Variants in SCRN2 observed in about 807,000 individuals in gnomAD.
The protein encoded by SCRN2 is secernin-2.
Under a neutral mutation model 40.1 loss-of-function variants are expected in SCRN2, and 30 were observed. That is an observed-to-expected ratio of 0.75 (90% CI 0.56 to 1.01). The LOEUF is 1.01. Ranked by LOEUF, SCRN2 falls within the 50% of genes least tolerant of loss-of-function variation. SCRN2 has a pLI of 0.00. For missense variants in SCRN2, 526 were observed against 564.9 expected (o/e 0.93, Z 0.70); for synonymous variants, 240 against 233.5 (o/e 1.03, Z -0.25).
intron 2 of SCRN2, 115 bp downstream of exon 2, chr17:47,840,555 C>T: frequency 7.6e-7 from 1 of 1,316,424 alleles, no homozygotes; most frequent in Non-Finnish European, 1.0e-6. Flanking sequence ...AGACCTAAAG[C>T]TCATGCTCTT....
Position 47,838,263 on chromosome 17 carries a change from G to A in SCRN2, c.1119+7C>T. 1 of 1,585,886 alleles carries A rather than the reference G, an allele frequency of 6.3e-7. No homozygotes were observed. Among genetic ancestry groups the A allele is most frequent in the African/African-American group, 1.4e-5 (1 of 73,208 alleles). On this transcript the variant is annotated splice_region_variant and intron_variant, in intron 7 of 7. Transcript: ENST00000290216. ...CCTCAAGGTAGCCCCTACTCCCTGGGGGATACCTGATCTCTCTCCATCAGC... is the reference window on the plus strand; with the variant it reads ...CCTCAAGGTAGCCCCTACTCCCTGGAGGATACCTGATCTCTCTCCATCAGC...
intron 2 of SCRN2, 82 bp downstream of exon 2, chr17:47,840,588 A>G: frequency 1.4e-6 from 2 of 1,426,516 alleles, no homozygotes; most frequent in Non-Finnish European, 1.9e-6. Context: ...GCAGCCTCCC[A>G]GGTGTGGGGA....
At position 47,838,441 on chromosome 17, in the gene SCRN2, G is replaced by A; in HGVS notation, c.948C>T (p.Phe316=). 1 of 1,613,124 alleles carries A rather than the reference G, an allele frequency of 6.2e-7. No individual in the cohort carries two copies. Among genetic ancestry groups the A allele is most frequent in the Non-Finnish European group, 8.5e-7 (1 of 1,179,774 alleles). Residue 316 remains phenylalanine, a synonymous_variant, in exon 7 of 8, where the codon TTC becomes TTT. Transcript: ENST00000290216. ...CCCCCATCCCGAAGATGAAAGGTTT[G>A]AACACAGACCTAGAGGGGCACAGAT... ...TATPDPSRSV[F]KPFIFGMGVA...
In SCRN2 at chr17:47,840,770, G is replaced by A. The variant is rs1270314900; in HGVS notation, c.74C>T (p.Pro25Leu). The A allele has an allele frequency of 2.5e-6, 4 of 1,588,084 alleles. No individual in the cohort carries two copies. The highest frequency in any genetic ancestry group is 1.4e-5 in the African/African-American group (1 of 73,968). The change falls in exon 2 of 8, where the codon CCG (proline) becomes CTG (leucine). Residue 25 changes from proline to leucine, a missense_variant. Pro to Leu is a moderately conservative substitution (Grantham distance 98). Coordinates refer to ENST00000290216, the MANE Select transcript of SCRN2 (RefSeq NM_138355.4). ...FVSVPPASAI[P>L]AVIFAKNSDR... Reference sequence around the variant, plus strand: ...CGAGTTCTTGGCAAAGATCACAGCCGGGATGGCTGAGGCCGGGGGCACGGA... The same window carrying A: ...CGAGTTCTTGGCAAAGATCACAGCCAGGATGGCTGAGGCCGGGGGCACGGA...
intron 3 of SCRN2, 195 bp downstream of exon 3, chr17:47,839,996 G>T (rs1331993125): frequency 3.3e-6 from 2 of 598,336 alleles, no homozygotes; most frequent in East Asian, 5.6e-5. Context: ...AATAACCACT[G>T]CTCTATTTCT....
intron 4 of SCRN2, 46 bp downstream of exon 4, chr17:47,839,398 A>C: frequency 6.3e-7 from 1 of 1,597,378 alleles, no homozygotes; most frequent in Non-Finnish European, 8.6e-7. Context: ...CCCTGCCCCT[A>C]CCATCTCTCC....
rs1231607433 is a variant in SCRN2 at position 47,840,673 on chromosome 17, G to C, written c.171C>G (p.Leu57=). The part of the protein sequence containing the change: ...PAGTHTPGSR[L]QCTYIEVEQV... ...CACCCCATAAAGTCTAACCCACCTG[G>C]AGCCGGCTCCCAGGAGTGTGAGTGC... The change falls in exon 2 of 8, where the codon CTC becomes CTG. Residue 57 remains leucine, a synonymous_variant. Coordinates refer to ENST00000290216, the MANE Select transcript of SCRN2 (RefSeq NM_138355.4). 1 of 1,601,496 alleles carries C rather than the reference G, an allele frequency of 6.2e-7. No individual in the cohort carries two copies. The highest frequency in any genetic ancestry group is 8.5e-7 in the Non-Finnish European group (1 of 1,174,072).
chr17:47,838,857 G>C lies in SCRN2; in HGVS notation c.706C>G (p.Pro236Ala), dbSNP rs370974672. The C allele has an allele frequency of 1.1e-5, 18 of 1,613,522 alleles. No homozygotes were observed. In the African/African-American group the frequency reaches 2.0e-4, roughly 18 times the overall value. ...FAQIFSLTQQ[P>A]VRMEAAKARF... ...GCCTTGGCAGCCTCCATGCGCACAGGCTGCTGGGTCAGGGAGAAGATCTGA... is the reference window on the plus strand; with the variant it reads ...GCCTTGGCAGCCTCCATGCGCACAGCCTGCTGGGTCAGGGAGAAGATCTGA... Residue 236 changes from proline to alanine, a missense_variant, in exon 5 of 8, where the codon CCT becomes GCT. Physicochemically the swap from Pro to Ala is conservative, Grantham distance 27 (BLOSUM62 -1). Transcript: ENST00000290216.
chr17:47,840,395 G>A (rs776318585), intron 2 of SCRN2, 23 bp from the exon 3 acceptor site: 9 of 1,612,468 alleles, frequency 5.6e-6, no homozygotes, highest in Non-Finnish European at 1.7e-6. Flanking sequence ...GAGGAGAAAG[G>A]AAGCGTCCAC....
chr17:47,839,083 A>G (rs562860278), intron 4 of SCRN2, 77 bp from the exon 5 acceptor site: 1 of 1,499,266 alleles, frequency 6.7e-7, no homozygotes, highest in Admixed American at 1.8e-5. Context: ...AGGTGCTGAG[A>G]ACATGGTGGA....
intron 3 of SCRN2, 135 bp from the exon 4 acceptor site, chr17:47,839,778 G>T: frequency 2.3e-6 from 2 of 851,526 alleles, no homozygotes; most frequent in Non-Finnish European, 3.8e-6. Flanking sequence ...TGCTGGCACT[G>T]ATCGTATCAA....
chr17:47,839,386 C>T, intron 4 of SCRN2, 58 bp downstream of exon 4: 6 of 1,576,884 alleles, frequency 3.8e-6, no homozygotes, highest in Non-Finnish European at 4.3e-6. Context: ...GATCGGGCCC[C>T]TCCCTGCCCC....
chr17:47,839,400 C>T (rs1286176332), intron 4 of SCRN2, 44 bp downstream of exon 4: 3 of 1,599,602 alleles, frequency 1.9e-6, no homozygotes, highest in Non-Finnish European at 2.6e-6. Flanking sequence ...CTGCCCCTAC[C>T]ATCTCTCCCA....
At position 47,838,466 on chromosome 17, in the gene SCRN2, T is replaced by C; in HGVS notation, c.939-16A>G. The C allele has an allele frequency of 1.9e-6, 3 of 1,613,612 alleles. No homozygotes were observed. In the South Asian group the frequency reaches 3.3e-5, roughly 18 times the overall value. ...GAACACAGACCTAGAGGGGCACAGA[T>C]GGAAGCACGGAGATATATCAGATCC... is the stretch of plus-strand genomic sequence containing the variant. On this transcript the variant is annotated splice_polypyrimidine_tract_variant and intron_variant, in intron 6 of 7. Coordinates refer to ENST00000290216, the MANE Select transcript of SCRN2 (RefSeq NM_138355.4).
At position 47,838,923 on chromosome 17, in the gene SCRN2, C is replaced by G; in HGVS notation, c.640G>C (p.Ala214Pro). ...CCCTGCCCATCCCACCAGCCCTTGG[C>G]CTGGGCATGAGTCCGCAGCTCCGGG... ...QHPELRTHAQ[A>P]KGWWDGQGAF... The change falls in exon 5 of 8, where the codon GCC becomes CCC. Residue 214 changes from alanine to proline, a missense_variant. Physicochemically the swap from Ala to Pro is conservative, Grantham distance 27. Coordinates refer to ENST00000290216, the MANE Select transcript of SCRN2 (RefSeq NM_138355.4). The G allele has an allele frequency of 6.2e-7, 1 of 1,614,018 alleles. No homozygotes were observed. Among genetic ancestry groups the G allele is most frequent in the Non-Finnish European group, 8.5e-7 (1 of 1,180,034 alleles).
In SCRN2 at chr17:47,838,954, G is replaced by A. The variant is rs1036676038; in HGVS notation, c.609C>T (p.Ala203=). Residue 203 remains alanine, a synonymous_variant, in exon 5 of 8, where the codon GCC becomes GCT. Transcript: ENST00000290216. ...CATGAGTCCGCAGCTCCGGGTGTTG[G>A]GCCGAGATGTCCGTGCCAATGCTCA... ...NQLSIGTDIS[A]QHPELRTHAQ... is the part of the protein sequence containing the mutation. The A allele has an allele frequency of 3.1e-6, 5 of 1,613,932 alleles. No individual in the cohort carries two copies. Among genetic ancestry groups the A allele is most frequent in the Admixed American group, 1.7e-5 (1 of 60,004 alleles).
At chr17:47,840,451 TA>T in intron 2 of SCRN2, 79 bp from the exon 3 acceptor site, 2 of 1,480,110 alleles carry the variant, frequency 1.4e-6, no homozygotes, top group South Asian at 2.4e-5. Flanking sequence ...CCAATTACCT[TA>T]TAGATCCCTT....
At position 47,839,617 on chromosome 17, in the gene SCRN2, G is replaced by T; in HGVS notation, c.383C>A (p.Ala128Asp). 6.2e-7 allele frequency: 1 copy of T among 1,614,060 alleles called. No homozygotes were observed. Among genetic ancestry groups the T allele is most frequent in the Non-Finnish European group, 8.5e-7 (1 of 1,180,036 alleles). Residue 128 changes from alanine (A) to aspartate (D), a missense_variant, in exon 4 of 8, where the codon GCC becomes GAC. Physicochemically the swap from Ala to Asp is moderately radical, Grantham distance 126. Transcript: ENST00000290216. ...LRLALERSSSAQEALHVITGL... is the reference protein window; with the variant it reads ...LRLALERSSSDQEALHVITGL... ...TGTGATCACATGCAAGGCCTCCTGGGCAGAGCTGCTCCGTTCCAAAGCCAG... is the reference window on the plus strand; with the variant it reads ...TGTGATCACATGCAAGGCCTCCTGGTCAGAGCTGCTCCGTTCCAAAGCCAG...
chr17:47,839,131 G>A, intron 4 of SCRN2, 125 bp from the exon 5 acceptor site: 1 of 1,008,500 alleles, frequency 9.9e-7, no homozygotes, highest in Non-Finnish European at 1.4e-6. Context: ...CTACGTTTTG[G>A]TGGGGGAGGC....
Sources: gnomAD v4.1 joint callset for allele counts on GRCh38, gnomAD v4.1.1 for gene constraint, MANE v1.5 for transcripts, NCBI Gene and HGNC (gene_info 2026-07-23, HGNC 2026-07-21) for gene names.